PPP2R5A: variants seen among roughly 807,000 people sequenced by gnomAD.
PPP2R5A encodes the protein serine/threonine-protein phosphatase 2A 56 kDa regulatory subunit alpha isoform.
PPP2R5A carries 25 observed loss-of-function variants against 64.2 expected under a neutral mutation model. The ratio of observed to expected loss-of-function variants is 0.39; its 90% CI spans 0.28 to 0.54. The LOEUF (loss-of-function observed/expected upper bound fraction) is 0.54, where lower values mean the gene tolerates loss of function less well. PPP2R5A is among the 20% of genes least tolerant of loss of function. The pLI is 0.67. For synonymous variants in PPP2R5A, 198 were observed against 201.2 expected (o/e 0.98, Z 0.13); for missense variants, 425 against 576.3 (o/e 0.74, Z 2.69).
At chr1:212,287,274 AC>A (rs1248668332) in intron 1 of PPP2R5A, among the ~76,000 whole-genome samples, 1 of 152,232 alleles carries the variant, frequency 6.6e-6, no homozygotes, top group Non-Finnish European at 1.5e-5. Context: ...AAATGTTGGA[AC>A]AAGATGATAA....
intron 1 of PPP2R5A, chr1:212,301,793 T>C: frequency 9.0e-7 from 1 of 1,111,456 alleles, no homozygotes; most frequent in Non-Finnish European, 1.1e-6. Flanking sequence ...TGTAGTGGTA[T>C]TGCTGGGTTG....
At chr1:212,347,080 A>C (rs1659794814) in intron 5 of PPP2R5A, among the ~76,000 whole-genome samples, 1 of 152,182 alleles carries the variant, frequency 6.6e-6, no homozygotes, top group Non-Finnish European at 1.5e-5. Context: ...ATTAATTATT[A>C]AGTTGAATAT....
At chr1:212,347,436 A>T in intron 6 of PPP2R5A, 30 bp downstream of exon 6, 1 of 1,487,062 alleles carries the variant, frequency 6.7e-7, no homozygotes, top group Non-Finnish European at 9.3e-7. Flanking sequence ...TCTTTTTAAG[A>T]ATTAAGTAAG....
At chr1:212,325,638 T>G (rs1213087201) in intron 1 of PPP2R5A, among the ~76,000 whole-genome samples, 2 of 152,028 alleles carry the variant, frequency 1.3e-5, no homozygotes, top group Non-Finnish European at 2.9e-5. Context: ...AAGTCATCAT[T>G]ATGGAATTTA....
chr1:212,296,707 T>G (rs911227084), intron 1 of PPP2R5A, among the ~76,000 whole-genome samples: 1 of 152,240 alleles, frequency 6.6e-6, no homozygotes, highest in African/African-American at 2.4e-5. Flanking sequence ...ACACAGGATT[T>G]AGATAGTCAA....
intron 8 of PPP2R5A, among the ~76,000 whole-genome samples, chr1:212,355,701 A>G (rs537276625): frequency 1.2e-4 from 18 of 151,992 alleles, no homozygotes; most frequent in African/African-American, 3.9e-4. Flanking sequence ...CTTTTAACCT[A>G]TGAATGGAAC....
intron 1 of PPP2R5A, among the ~76,000 whole-genome samples, chr1:212,322,175 G>T (rs924544855): frequency 6.6e-6 from 1 of 150,604 alleles, no homozygotes; most frequent in Non-Finnish European, 1.5e-5. Context: ...GGGGGAGACC[G>T]TGGAAAGAGA....
At chr1:212,299,901 A>T (rs966082118) in intron 1 of PPP2R5A, among the ~76,000 whole-genome samples, 4 of 151,080 alleles carry the variant, frequency 2.6e-5, no homozygotes, top group African/African-American at 9.8e-5. Context: ...CAACCTCCAC[A>T]TCATGGGTTC....
intron 1 of PPP2R5A, among the ~76,000 whole-genome samples, chr1:212,291,622 A>C (rs1035806162): frequency 3.3e-5 from 5 of 152,162 alleles, no homozygotes; most frequent in African/African-American, 1.2e-4. Flanking sequence ...ATGGTTCATT[A>C]CCCAGCCTAT....
At chr1:212,357,844 T>G (rs6674587) in intron 11 of PPP2R5A, 1 of 150,592 alleles carries the variant, frequency 6.6e-6, no homozygotes, top group Non-Finnish European at 1.5e-5. Flanking sequence ...TTGCCCAGAC[T>G]GGAGTGCAAT....
At chr1:212,321,351 G>A (rs932785615) in intron 1 of PPP2R5A, among the ~76,000 whole-genome samples, 1 of 151,448 alleles carries the variant, frequency 6.6e-6, no homozygotes, top group Non-Finnish European at 1.5e-5. Flanking sequence ...GGACGGGGCG[G>A]CTGGCCGGGC....
chr1:212,320,569 G>A (rs1484511860), intron 1 of PPP2R5A, among the ~76,000 whole-genome samples: 12 of 144,174 alleles, frequency 8.3e-5, no homozygotes, highest in African/African-American at 2.5e-4. Context: ...CTGTCCGGGC[G>A]GGGGGCTGAC....
At chr1:212,360,456 A>G (rs1660059944) in intron 12 of PPP2R5A, among the ~76,000 whole-genome samples, 182 bp from the exon 13 acceptor site, 1 of 152,232 alleles carries the variant, frequency 6.6e-6, no homozygotes, top group Non-Finnish European at 1.5e-5. Flanking sequence ...GCACAGACTC[A>G]GTACATTTAG....
At chr1:212,316,532 C>T (rs12048148) in intron 1 of PPP2R5A, among the ~76,000 whole-genome samples, 1 of 140,054 alleles carries the variant, frequency 7.1e-6, no homozygotes, top group Non-Finnish European at 1.5e-5. Context: ...CCATTATCTT[C>T]TGGCATGACT....
rs1254447718 is a variant in PPP2R5A at position 212,342,199 on chromosome 1, ATTC to A, written c.498_500del (p.Phe166del). 2.5e-6 allele frequency: 4 copies of A among 1,613,524 alleles called. No individual in the cohort carries two copies. Among genetic ancestry groups the A allele is most frequent in the Non-Finnish European group, 3.4e-6 (4 of 1,179,700 alleles). On this transcript the variant is annotated inframe_deletion, in exon 4 of 13. Transcript: ENST00000261461. ...ACTTTCTCTCATAGTTGGTATATGA[ATTC>A]TTCTTGAGATTTTTGGAGAGCCCTG...
chr1:212,290,239 G>A (rs1658576648), intron 1 of PPP2R5A, among the ~76,000 whole-genome samples: 1 of 152,188 alleles, frequency 6.6e-6, no homozygotes, highest in African/African-American at 2.4e-5. Context: ...GTTTTCTAAA[G>A]TAGGTGATCT....
intron 1 of PPP2R5A, among the ~76,000 whole-genome samples, chr1:212,315,512 C>T (rs891846208): frequency 5.9e-5 from 9 of 152,146 alleles, no homozygotes; most frequent in African/African-American, 2.2e-4. Flanking sequence ...CATAAATCGA[C>T]ATTAAAGAAC....
In PPP2R5A at chr1:212,286,431, T is replaced by C. The variant is rs999533338; in HGVS notation, c.181+140T>C. ...TGTGAGCCGAGTTCCCCACAATGCC[T>C]TGGCGTCACCTCACGCCCTCCTCCT... On this transcript the variant is annotated intron_variant, in intron 1 of 12. Coordinates refer to ENST00000261461, the MANE Select transcript of PPP2R5A (RefSeq NM_006243.4). 17 of 943,686 alleles carry C rather than the reference T, an allele frequency of 1.8e-5. No individual in the cohort carries two copies. The African/African-American group carries it at 2.8e-4, about 16-fold the overall frequency. 58.5% of individuals were successfully genotyped at this position (943,686 alleles called of 1,614,324 possible).
In PPP2R5A at chr1:212,308,656, G is replaced by A. The variant is rs1472953735; in HGVS notation, c.182-20479G>A. ...ACTCCTGACCTCAGGTGATCCTCCC[G>A]CCTCGGCCTCCCAAAGTGCTGGGAT... On this transcript the variant is annotated intron_variant, in intron 1 of 12. Transcript: ENST00000261461. 2.6e-5 allele frequency among the ~76,000 whole-genome samples: 4 copies of A among 151,960 alleles called. No individual in the cohort carries two copies. In the East Asian group the frequency reaches 5.8e-4, roughly 22 times the overall value.
Sources: gnomAD v4.1 joint callset for allele counts (sites outside exome capture counted in the v4.1 genomes callset) on GRCh38, gnomAD v4.1.1 for gene constraint, MANE v1.5 for transcripts, NCBI Gene and HGNC (gene_info 2026-07-23, HGNC 2026-07-21) for gene names.